Variants in TPTE observed in about 807,000 individuals in gnomAD.
The protein encoded by TPTE is transmembrane phosphatase with tensin homology.
Under a neutral mutation model 84.1 loss-of-function variants are expected in TPTE, and 59 were observed. That is an observed-to-expected ratio of 0.70 (90% confidence interval 0.57 to 0.87). The LOEUF is 0.87. Ranked by LOEUF, TPTE falls within the 40% of genes least tolerant of loss-of-function variation. The pLI is 0.00. For synonymous variants in TPTE, 130 were observed against 223.5 expected (o/e 0.58, Z 3.73); for missense variants, 382 against 659.6 (o/e 0.58, Z 4.61).
chr21:10,522,526 A>G lies in TPTE; in HGVS notation c.-211+832A>G, dbSNP rs562323367. On this transcript the variant is annotated intron_variant, in intron 1 of 23. Transcript: ENST00000618007. ...GGCTGGGACAAGTTGGAAACGGTCA[A>G]AACAATGCGTCTGGACGGGCAGCAT... 1.1e-4 allele frequency among the ~76,000 whole-genome samples: 17 copies of G among 152,426 alleles called. No individual in the cohort carries two copies. In the South Asian group the frequency reaches 3.5e-3, roughly 32 times the overall value.
intron 3 of TPTE, among the ~76,000 whole-genome samples, chr21:10,535,343 A>T (rs1198726051): frequency 6.6e-6 from 1 of 152,310 alleles, no homozygotes. Flanking sequence ...ACACGCATGC[A>T]TACACATACA....
At chr21:10,559,164 C>A (rs1322599148) in intron 8 of TPTE, among the ~76,000 whole-genome samples, 1 of 152,310 alleles carries the variant, frequency 6.6e-6, no homozygotes, top group Non-Finnish European at 1.5e-5. Flanking sequence ...TCTTCTACCA[C>A]CCTTTTCTGT....
At chr21:10,591,534 T>A (rs1332255408) in intron 18 of TPTE, among the ~76,000 whole-genome samples, 1 of 152,312 alleles carries the variant, frequency 6.6e-6, no homozygotes, top group Non-Finnish European at 1.5e-5. Flanking sequence ...TCCAAAGGTT[T>A]AAATATTGGT....
intron 3 of TPTE, among the ~76,000 whole-genome samples, chr21:10,536,698 C>T (rs2074273228): frequency 6.6e-6 from 1 of 152,308 alleles, no homozygotes; most frequent in Non-Finnish European, 1.5e-5. Flanking sequence ...TTATAAACCT[C>T]CTAACTATAG....
intron 7 of TPTE, among the ~76,000 whole-genome samples, chr21:10,547,861 C>A (rs953525711): frequency 1.3e-5 from 2 of 152,306 alleles, no homozygotes; most frequent in Non-Finnish European, 2.9e-5. Context: ...ATCTGCAGTC[C>A]CATCCAGGGT....
At chr21:10,557,291 A>T (rs1246254193) in intron 8 of TPTE, among the ~76,000 whole-genome samples, 2 of 152,302 alleles carry the variant, frequency 1.3e-5, no homozygotes, top group African/African-American at 4.8e-5. Flanking sequence ...TTCCCTGCAA[A>T]CTCTGCACAT....
rs1315976443 is a variant in TPTE, at chr21:10,605,711, A to G, written c.*159A>G. 2.4e-5 allele frequency: 32 copies of G among 1,314,138 alleles called. No individual in the cohort carries two copies. In the African/African-American group the frequency reaches 3.3e-4, roughly 14 times the overall value. 81.4% of individuals were successfully genotyped at this position (1,314,138 alleles called of 1,614,324 possible). ...TCATAAATCTATTACATATATATAG[A>G]TAAAATGTCAGTGTCTTTCTTCTTT... is the stretch of plus-strand genomic sequence containing the variant. On this transcript the variant is annotated 3_prime_UTR_variant, in exon 24 of 24. Transcript: ENST00000618007.
At chr21:10,542,591 T>TCCATC in intron 6 of TPTE, 143 bp downstream of exon 6, 1 of 1,127,850 alleles carries the variant, frequency 8.9e-7, no homozygotes, top group South Asian at 1.4e-5. Flanking sequence ...ATCCATCCAT[T>TCCATC]CATCCATCCA....
chr21:10,573,950 A>G (rs2075097696), intron 14 of TPTE, among the ~76,000 whole-genome samples: 1 of 152,308 alleles, frequency 6.6e-6, no homozygotes, highest in Admixed American at 6.5e-5. Flanking sequence ...AATGCAAATT[A>G]CACTACCAGT....
At chr21:10,558,541 A>C (rs1244530249) in intron 8 of TPTE, among the ~76,000 whole-genome samples, 2 of 152,308 alleles carry the variant, frequency 1.3e-5, no homozygotes, top group East Asian at 3.8e-4. Context: ...GGCCACATGC[A>C]TGTCTTCTTT....
At chr21:10,529,938 T>C (rs1378506189) in intron 3 of TPTE, among the ~76,000 whole-genome samples, 2 of 152,310 alleles carry the variant, frequency 1.3e-5, no homozygotes, top group Admixed American at 6.5e-5. Context: ...AAAAGTAGTT[T>C]TTCTGTGTTT....
intron 17 of TPTE, 51 bp from the exon 18 acceptor site, chr21:10,590,411 G>T: frequency 6.2e-7 from 1 of 1,611,270 alleles, no homozygotes; most frequent in Middle Eastern, 1.7e-4. Context: ...ATATTTCTGA[G>T]TGTATTTTTA....
chr21:10,560,350 T>A (rs1466777989), intron 9 of TPTE, among the ~76,000 whole-genome samples: 1 of 152,426 alleles, frequency 6.6e-6, no homozygotes, highest in Non-Finnish European at 1.5e-5. Flanking sequence ...ATTAATAATA[T>A]TTGAATTTGA....
intron 2 of TPTE, among the ~76,000 whole-genome samples, chr21:10,525,824 T>C (rs1201320948): frequency 6.6e-6 from 1 of 152,310 alleles, no homozygotes; most frequent in Non-Finnish European, 1.5e-5. Flanking sequence ...CTTCATGCAG[T>C]ACTCTCCCTG....
chr21:10,565,655 GACAC>G (rs1186289676), intron 10 of TPTE, among the ~76,000 whole-genome samples: 1 of 152,300 alleles, frequency 6.6e-6, no homozygotes, highest in Non-Finnish European at 1.5e-5. Flanking sequence ...CATAAAAACA[GACAC>G]ACAGACCACT....
rs548281606 is a variant in TPTE at position 10,550,133 on chromosome 21, C to T, written c.174-2524C>T. ...AAACAAAAACCAAGATAATTCATCA[C>T]CACTAGACCAACATTACAAGAAATG... On this transcript the variant is annotated intron_variant, in intron 7 of 23. Coordinates refer to ENST00000618007, the MANE Select transcript of TPTE (RefSeq NM_199261.4). Among the ~76,000 whole-genome samples, 3 of 152,424 alleles carry T rather than the reference C, an allele frequency of 2.0e-5. No individual in the cohort carries two copies. In the East Asian group the frequency reaches 5.8e-4, roughly 29 times the overall value.
At chr21:10,530,313 A>C (rs569669178) in intron 3 of TPTE, among the ~76,000 whole-genome samples, 1 of 152,288 alleles carries the variant, frequency 6.6e-6, no homozygotes, top group South Asian at 2.1e-4. Flanking sequence ...ACAGATATAC[A>C]TATTGACATA....
intron 20 of TPTE, among the ~76,000 whole-genome samples, chr21:10,597,435 G>A (rs1398494919): frequency 6.9e-6 from 1 of 144,456 alleles, no homozygotes; most frequent in Non-Finnish European, 1.5e-5. Context: ...TTTTTTTGGA[G>A]ACAGAGTCTT....
chr21:10,588,763 G>C lies in TPTE; in HGVS notation c.1028-1699G>C, dbSNP rs562809757. On this transcript the variant is annotated intron_variant, in intron 17 of 23. Transcript: ENST00000618007. The stretch of plus-strand genomic sequence containing the variant: ...ATTAGTTCAAAAGACCAGTCTTCAA[G>C]CTCTGAAATTATGTTTTCTACTTTG... Among the ~76,000 whole-genome samples the C allele has an allele frequency of 9.8e-5, 15 of 152,410 alleles. No homozygotes were observed. In the South Asian group the frequency reaches 3.1e-3, roughly 32 times the overall value.
Sources: gnomAD v4.1 joint callset for allele counts (sites outside exome capture counted in the v4.1 genomes callset) on GRCh38, gnomAD v4.1.1 for gene constraint, MANE v1.5 for transcripts, NCBI Gene and HGNC (gene_info 2026-07-23, HGNC 2026-07-21) for gene names.